KANSL1L: variants seen among roughly 807,000 people sequenced by gnomAD.
The protein encoded by KANSL1L is KAT8 regulatory NSL complex subunit 1-like protein.
In KANSL1L, 25 loss-of-function variants were observed where a neutral mutation model predicts 108.6. The observed-to-expected ratio is 0.23, with a 90% CI of 0.17 to 0.32. KANSL1L has a LOEUF of 0.32. Among genes scored for constraint, KANSL1L ranks in the 10% least tolerant of loss-of-function variants. KANSL1L has a pLI of 1.00. For synonymous variants in KANSL1L, 405 were observed against 395.1 expected (o/e 1.03, Z -0.30); for missense variants, 1,137 against 1,125.7 (o/e 1.01, Z -0.14).
intron 6 of KANSL1L, among the ~76,000 whole-genome samples, chr2:210,072,335 A>G (rs1334995357): frequency 1.3e-5 from 2 of 152,230 alleles, no homozygotes; most frequent in Non-Finnish European, 2.9e-5. Context: ...TCAGAATACT[A>G]CACAGTGTTA....
At chr2:210,083,736 G>C (rs1339388376) in intron 5 of KANSL1L, among the ~76,000 whole-genome samples, 1 of 150,566 alleles carries the variant, frequency 6.6e-6, no homozygotes, top group Non-Finnish European at 1.5e-5. Flanking sequence ...GGCTGAGGCA[G>C]GAAAATGGCA....
chr2:210,106,192 A>T (rs940518224), intron 3 of KANSL1L, among the ~76,000 whole-genome samples: 1 of 152,168 alleles, frequency 6.6e-6, no homozygotes, highest in African/African-American at 2.4e-5. Flanking sequence ...AGGTTTCTCC[A>T]CAAGTACCTG....
chr2:210,146,136 G>A (rs980517251), intron 2 of KANSL1L, among the ~76,000 whole-genome samples: 2 of 152,064 alleles, frequency 1.3e-5, no homozygotes, highest in African/African-American at 4.8e-5. Flanking sequence ...GCCTGATACC[G>A]GTAGCCCCCA....
chr2:210,073,181 T>C (rs2094519241), intron 6 of KANSL1L, among the ~76,000 whole-genome samples: 1 of 152,158 alleles, frequency 6.6e-6, no homozygotes, highest in South Asian at 2.1e-4. Context: ...AACATTACGA[T>C]GTTCCAGGAT....
intron 6 of KANSL1L, among the ~76,000 whole-genome samples, chr2:210,068,064 G>T (rs1229928329): frequency 6.6e-6 from 1 of 151,958 alleles, no homozygotes; most frequent in Non-Finnish European, 1.5e-5. Flanking sequence ...TTTTAGTAGA[G>T]ATGAGGTTTC....
rs751573004 is a variant in KANSL1L at position 210,043,980 on chromosome 2, T to A, written c.1880A>T (p.Glu627Val). Reference protein sequence around the residue: ...ESYLLREHVSELDSSFHSVLS... With the variant: ...ESYLLREHVSVLDSSFHSVLS... Reference sequence around the variant, plus strand: ...AACAGAATGGAAAGAGGAATCTAACTCTGATACATGTTCTCTTAATAGGTA... The same window carrying A: ...AACAGAATGGAAAGAGGAATCTAACACTGATACATGTTCTCTTAATAGGTA... The change falls in exon 7 of 15, where the codon GAG (glutamate) becomes GTG (valine). Residue 627 changes from glutamate (E) to valine (V), a missense_variant. Glu to Val is a moderately radical substitution (Grantham distance 121). Transcript: ENST00000281772. The A allele has an allele frequency of 5.6e-6, 9 of 1,604,766 alleles. No homozygotes were observed. The Admixed American group carries it at 1.0e-4, about 18-fold the overall frequency.
intron 3 of KANSL1L, among the ~76,000 whole-genome samples, chr2:210,112,193 T>A (rs2094913114): frequency 6.6e-6 from 1 of 152,186 alleles, no homozygotes; most frequent in South Asian, 2.1e-4. Context: ...GCTATAAACA[T>A]ACATGTACAT....
At chr2:210,033,585 A>G (rs2094053901) in intron 8 of KANSL1L, among the ~76,000 whole-genome samples, 3 of 152,062 alleles carry the variant, frequency 2.0e-5, no homozygotes, top group Admixed American at 1.3e-4. Flanking sequence ...GCTGGAGTGC[A>G]GTGGCGCGAT....
chr2:210,074,551 C>T (rs376500920), intron 6 of KANSL1L, among the ~76,000 whole-genome samples: 17 of 152,160 alleles, frequency 1.1e-4, no homozygotes, highest in African/African-American at 4.1e-4. Context: ...GATGGGGTTT[C>T]GCCATGTTGG....
At chr2:210,098,238 G>T in intron 4 of KANSL1L, 31 bp from the exon 5 acceptor site, 1 of 1,598,040 alleles carries the variant, frequency 6.3e-7, no homozygotes, top group South Asian at 1.1e-5. Context: ...TTTTACTACT[G>T]CTAAGCAAGA....
chr2:210,111,040 A>C (rs2125460597), intron 3 of KANSL1L, among the ~76,000 whole-genome samples: 1 of 152,236 alleles, frequency 6.6e-6, no homozygotes, highest in East Asian at 1.9e-4. Context: ...TGAGCCTGGG[A>C]GGTCAAGGCT....
chr2:210,028,354 C>T (rs2093965502), intron 11 of KANSL1L: 1 of 152,100 alleles, frequency 6.6e-6, no homozygotes, highest in Admixed American at 6.6e-5. Flanking sequence ...CAGACCTTCC[C>T]ACTCATCTTT....
In KANSL1L at chr2:210,129,068, T is replaced by C; in HGVS notation, c.1193A>G (p.Gln398Arg). 6.2e-7 allele frequency: 1 copy of C among 1,613,966 alleles called. No individual in the cohort carries two copies. Among genetic ancestry groups the C allele is most frequent in the Non-Finnish European group, 8.5e-7 (1 of 1,179,858 alleles). The change falls in exon 3 of 15, where the codon CAA becomes CGA. Residue 398 changes from glutamine (Q) to arginine (R), a missense_variant. Transcript: ENST00000281772. ...AATTTGCCTGTGAATGTCTGTTAGT[T>C]GTTGGATTTTGCATTCTAGGTCTGA... is the stretch of plus-strand genomic sequence containing the variant. ...QISDLECKIQ[Q>R]LTDIHRQIRA...
At chr2:210,084,551 T>C (rs1443125599) in intron 5 of KANSL1L, among the ~76,000 whole-genome samples, 1 of 151,978 alleles carries the variant, frequency 6.6e-6, no homozygotes, top group Non-Finnish European at 1.5e-5. Flanking sequence ...ATCTAAACTA[T>C]GAAAAGACTA....
chr2:210,073,537 T>G (rs1420760946), intron 6 of KANSL1L, among the ~76,000 whole-genome samples: 1 of 147,480 alleles, frequency 6.8e-6, no homozygotes. Context: ...AAAAAAAAAA[T>G]GGAAAAGAAA....
chr2:210,081,144 G>T (rs2094586670), intron 5 of KANSL1L, among the ~76,000 whole-genome samples: 1 of 151,910 alleles, frequency 6.6e-6, no homozygotes, highest in African/African-American at 2.4e-5. Context: ...ACACCTGCTT[G>T]TAACAAGGCC....
intron 5 of KANSL1L, among the ~76,000 whole-genome samples, chr2:210,077,180 TACATTCAACA>T (rs1251091589): frequency 6.6e-6 from 1 of 152,156 alleles, no homozygotes; most frequent in Non-Finnish European, 1.5e-5. Flanking sequence ...GTGACTATCA[TACATTCAACA>T]AATACGTAAT....
At chr2:210,036,166 C>T (rs1384010414) in intron 8 of KANSL1L, among the ~76,000 whole-genome samples, 1 of 151,986 alleles carries the variant, frequency 6.6e-6, no homozygotes, top group African/African-American at 2.4e-5. Flanking sequence ...GTTACATACT[C>T]CTTATTTATA....
chr2:210,093,666 C>T (rs2094711606), intron 5 of KANSL1L, among the ~76,000 whole-genome samples: 1 of 152,154 alleles, frequency 6.6e-6, no homozygotes, highest in African/African-American at 2.4e-5. Flanking sequence ...TTGCTAATTT[C>T]TAATTTTTGA....
Sources: allele counts gnomAD v4.1 joint callset (sites outside exome capture counted in the v4.1 genomes callset), GRCh38; gene constraint gnomAD v4.1.1; transcripts MANE v1.5; gene names NCBI Gene and HGNC (gene_info 2026-07-23, HGNC 2026-07-21).